BEND3: variants seen among roughly 807,000 people sequenced by gnomAD.
BEND3 encodes BEN domain-containing protein 3.
In BEND3, 13 loss-of-function variants were observed where a neutral mutation model predicts 60.1. That is an observed-to-expected ratio of 0.22 (90% CI 0.14 to 0.34). The LOEUF (loss-of-function observed/expected upper bound fraction) is 0.34, where lower values mean the gene tolerates loss of function less well. BEND3 is among the 10% of genes least tolerant of loss of function. BEND3 has a pLI of 1.00. For missense variants in BEND3, 896 were observed against 1,138.1 expected (o/e 0.79, Z 3.06); for synonymous variants, 497 against 491.5 (o/e 1.01, Z -0.15).
chr6:107,088,581 A>G (rs1472925245), intron 3 of BEND3, among the ~76,000 whole-genome samples: 1 of 152,188 alleles, frequency 6.6e-6, no homozygotes, highest in Non-Finnish European at 1.5e-5. Flanking sequence ...CAAAGATTAA[A>G]AAAAATCCTG....
intron 1 of BEND3, among the ~76,000 whole-genome samples, chr6:107,113,515 G>A (rs1770171811): frequency 6.7e-6 from 1 of 148,580 alleles, no homozygotes; most frequent in Non-Finnish European, 1.5e-5. Context: ...GGGCCACACA[G>A]ACACCAGCTA....
chr6:107,105,348 G>A (rs1020784096), intron 1 of BEND3, among the ~76,000 whole-genome samples: 1 of 149,644 alleles, frequency 6.7e-6, no homozygotes, highest in South Asian at 2.1e-4. Flanking sequence ...TCCAGTCTGG[G>A]AGACAGAGAA....
Position 107,098,706 on chromosome 6 carries a change from C to T in BEND3, c.85G>A (p.Ala29Thr), listed in dbSNP as rs782296870. 1 of 1,614,000 alleles carries T rather than the reference C, an allele frequency of 6.2e-7. No homozygotes were observed. The highest frequency in any genetic ancestry group is 1.3e-5 in the African/African-American group (1 of 74,946). The change falls in exon 3 of 4, where the codon GCT becomes ACT. Residue 29 changes from alanine (A) to threonine (T), a missense_variant. Around this residue, in one of 4 missense-constraint regions of BEND3, gnomAD observed 846 missense variants for 1,036.7 expected, o/e 0.82. Coordinates refer to ENST00000369042, the MANE Select transcript of BEND3 (RefSeq NM_001367314.1). Reference sequence around the variant, plus strand: ...CTGGAATTCACGGAGCAGTCCAGAGCAGCATCTTCAGCCTCTGTCTCCACT... The same window carrying T: ...CTGGAATTCACGGAGCAGTCCAGAGTAGCATCTTCAGCCTCTGTCTCCACT... ...VKVETEAEDA[A>T]LDCSVNSRTS...
chr6:107,078,848 G>A (rs961757040), intron 3 of BEND3, among the ~76,000 whole-genome samples: 1 of 151,842 alleles, frequency 6.6e-6, no homozygotes, highest in African/African-American at 2.4e-5. Context: ...TGGAAGTGCT[G>A]GGTAGAGAAG....
chr6:107,103,400 C>T (rs900827518), intron 1 of BEND3, among the ~76,000 whole-genome samples: 6 of 152,176 alleles, frequency 3.9e-5, no homozygotes, highest in Non-Finnish European at 8.8e-5. Context: ...GCTACGTAGG[C>T]GCTGCCACAA....
chr6:107,077,374 T>C (rs1775122331), intron 3 of BEND3, among the ~76,000 whole-genome samples: 1 of 151,492 alleles, frequency 6.6e-6, no homozygotes, highest in South Asian at 2.1e-4. Context: ...TCTGACCTGC[T>C]CTGTTTCTGA....
chr6:107,092,149 C>T (rs181547261), intron 3 of BEND3, among the ~76,000 whole-genome samples: 13 of 151,776 alleles, frequency 8.6e-5, no homozygotes, highest in East Asian at 5.8e-4. Flanking sequence ...CTCAGCTACT[C>T]GGGAGGCTGA....
chr6:107,082,465 C>T (rs1554233667), intron 3 of BEND3, among the ~76,000 whole-genome samples: 2 of 152,114 alleles, frequency 1.3e-5, no homozygotes, highest in Admixed American at 6.6e-5. Flanking sequence ...TCAGTAGTCT[C>T]GCTCTGTCAC....
At chr6:107,102,854 T>C (rs1775729413) in intron 1 of BEND3, among the ~76,000 whole-genome samples, 2 of 152,182 alleles carry the variant, frequency 1.3e-5, no homozygotes, top group Non-Finnish European at 2.9e-5. Context: ...CCTGAGCTAT[T>C]TTAGTTCCAA....
intron 3 of BEND3, among the ~76,000 whole-genome samples, chr6:107,072,226 C>T (rs1554232185): frequency 6.6e-6 from 1 of 152,226 alleles, no homozygotes; most frequent in Non-Finnish European, 1.5e-5. Flanking sequence ...TGGGGTGCTT[C>T]TCTCCACACT....
At chr6:107,099,708 G>A (rs555387372) in intron 1 of BEND3, among the ~76,000 whole-genome samples, 8 of 152,096 alleles carry the variant, frequency 5.3e-5, no homozygotes, top group Non-Finnish European at 1.0e-4. Flanking sequence ...TAGGACTTAC[G>A]GTTGTCAAGA....
chr6:107,098,432 A>G (rs1775632542), intron 3 of BEND3, 119 bp downstream of exon 3: 2 of 1,019,532 alleles, frequency 2.0e-6, no homozygotes, highest in Non-Finnish European at 2.9e-6. Flanking sequence ...GCTTAAATGA[A>G]ACCTTCCCAT....
rs528919278 is a variant in BEND3, at chr6:107,087,038, A to G, written c.240+11513T>C. 7.2e-4 allele frequency among the ~76,000 whole-genome samples: 108 copies of G among 150,752 alleles called. 1 individual carries two copies. In the East Asian group the frequency reaches 0.019, roughly 26 times the overall value. ...AGACTCTGTCTAAAAAAAAAAAAAA[A>G]AAAGAAAAAGAAAAAAAAACTACAA... On this transcript the variant is annotated intron_variant, in intron 3 of 3. Transcript: ENST00000369042.
intron 3 of BEND3, among the ~76,000 whole-genome samples, chr6:107,088,501 T>C (rs1298183132): frequency 6.6e-6 from 1 of 151,954 alleles, no homozygotes; most frequent in Non-Finnish European, 1.5e-5. Context: ...GCAAACATGA[T>C]ACACGAGAAA....
Position 107,069,257 on chromosome 6 carries a change from C to T in BEND3, c.1934G>A (p.Arg645His). The stretch of plus-strand genomic sequence containing the variant: ...GGAGCGCCTTTGCTCCGTGTCCCGG[C>T]GCCGGCAGCGCTCATCCAGTTTGCC... ...FVGKLDERCR[R>H]RDTEQRRSYQ... The change falls in exon 4 of 4, where the codon CGC becomes CAC. Residue 645 changes from arginine to histidine, a missense_variant. By Grantham distance (29) the Arg-to-His change is conservative. This residue lies in a region of BEND3 where 846 missense variants were observed against 1,036.7 expected (regional missense o/e 0.82). Coordinates refer to ENST00000369042, the MANE Select transcript of BEND3 (RefSeq NM_001367314.1). The T allele has an allele frequency of 1.9e-6, 3 of 1,611,276 alleles. No individual in the cohort carries two copies. The highest frequency in any genetic ancestry group is 2.5e-6 in the Non-Finnish European group (3 of 1,179,114).
At chr6:107,104,894 G>A (rs1227091823) in intron 1 of BEND3, among the ~76,000 whole-genome samples, 1 of 151,854 alleles carries the variant, frequency 6.6e-6, no homozygotes, top group Non-Finnish European at 1.5e-5. Context: ...CAAACTCTGG[G>A]GCTCAAGCAA....
chr6:107,098,764 G>C lies in BEND3; in HGVS notation c.38-11C>G. On this transcript the variant is annotated splice_polypyrimidine_tract_variant and intron_variant, in intron 2 of 3. Coordinates refer to ENST00000369042, the MANE Select transcript of BEND3 (RefSeq NM_001367314.1). ...TGATACTTTTTAGAACTGTGTCAGA[G>C]AAGAAATAGGGCTCAGTGGGAAAAA... is the stretch of plus-strand genomic sequence containing the variant. 6.2e-7 allele frequency: 1 copy of C among 1,611,394 alleles called. No individual in the cohort carries two copies. The highest frequency in any genetic ancestry group is 8.5e-7 in the Non-Finnish European group (1 of 1,177,940).
chr6:107,076,122 T>C (rs1775094471), intron 3 of BEND3, among the ~76,000 whole-genome samples: 1 of 152,220 alleles, frequency 6.6e-6, no homozygotes, highest in South Asian at 2.1e-4. Context: ...ACTTCTTAGA[T>C]ACTCCCACAC....
At chr6:107,072,706 T>G (rs1258617071) in intron 3 of BEND3, among the ~76,000 whole-genome samples, 10 of 152,294 alleles carry the variant, frequency 6.6e-5, no homozygotes, top group Admixed American at 5.2e-4. Flanking sequence ...AATGAACGGC[T>G]GGGCGTGGTG....
Sources: gnomAD v4.1 joint callset for allele counts (sites outside exome capture counted in the v4.1 genomes callset) on GRCh38, gnomAD v4.1.1 for gene constraint, gnomAD v4.1.1 regional missense constraint, MANE v1.5 for transcripts, NCBI Gene and HGNC (gene_info 2026-07-23, HGNC 2026-07-21) for gene names.